Variants in ADGRD1 observed in about 807,000 individuals in gnomAD.
ADGRD1 encodes the protein adhesion G protein-coupled receptor D1, also known as G-protein coupled receptor 133.
In ADGRD1, 77 loss-of-function variants were observed where a neutral mutation model predicts 113.4. That is an observed-to-expected ratio of 0.68 (90% CI 0.57 to 0.82). The LOEUF (loss-of-function observed/expected upper bound fraction) is 0.82, where lower values mean the gene tolerates loss of function less well. ADGRD1 is among the 40% of genes least tolerant of loss of function. The pLI, the probability that ADGRD1 is intolerant of heterozygous loss-of-function variation, is 0.00. For synonymous variants in ADGRD1, 474 were observed against 475.0 expected (o/e 1.00, Z 0.03); for missense variants, 1,036 against 1,139.1 (o/e 0.91, Z 1.30).
intron 18 of ADGRD1, among the ~76,000 whole-genome samples, chr12:131,111,618 T>C (rs1253414988): frequency 2.0e-5 from 3 of 152,298 alleles, no homozygotes; most frequent in East Asian, 3.9e-4. Flanking sequence ...TTCATTGTTT[T>C]TTTTTTCTTT....
Position 131,000,747 on chromosome 12 carries a change from CAAAA to C in ADGRD1, c.1026+320_1026+323del, listed in dbSNP as rs371823726. Among the ~76,000 whole-genome samples the C allele has an allele frequency of 4.0e-4, 45 of 112,650 alleles. No homozygotes were observed. In the East Asian group the frequency reaches 8.8e-3, roughly 22 times the overall value. 73.9% of individuals were successfully genotyped at this position (112,650 alleles called of 152,430 possible). ...CAGAGTGAGACTCTGTCTCAAAAAA[CAAAA>C]AAAAAAAAAAAAAAGAGAGAGAGAG... is the stretch of plus-strand genomic sequence containing the variant. On this transcript the variant is annotated intron_variant, in intron 9 of 24. Transcript: ENST00000261654.
At position 131,062,174 on chromosome 12, in the gene ADGRD1, T is replaced by G. The variant is rs574147052; in HGVS notation, c.1474-14627T>G. On this transcript the variant is annotated intron_variant, in intron 13 of 24. Coordinates refer to ENST00000261654, the MANE Select transcript of ADGRD1 (RefSeq NM_198827.5). ...CCCAAGCCCGGCTCATTTTTGTATT[T>G]TTGGTAGAGACGGGGTTTCACTGTT... 3.9e-5 allele frequency among the ~76,000 whole-genome samples: 6 copies of G among 152,272 alleles called. No individual in the cohort carries two copies. In the South Asian group the frequency reaches 1.0e-3, roughly 26 times the overall value.
At chr12:131,039,185 A>AG (rs535902632) in intron 13 of ADGRD1, among the ~76,000 whole-genome samples, 1,699 of 111,288 alleles carry the variant, frequency 0.015, 35 homozygotes, top group African/African-American at 0.052. Context: ...GTGCTCCTCC[A>AG]GCCACTGCCC....
At chr12:131,138,337 GCAGT>G (rs1951154466) in intron 24 of ADGRD1, 108 bp downstream of exon 24, 2 of 855,872 alleles carry the variant, frequency 2.3e-6, no homozygotes, top group Non-Finnish European at 3.8e-6. Context: ...CGGGTGCCCA[GCAGT>G]CTTTGTCCCC....
At chr12:131,123,073 T>G (rs1363465467) in intron 20 of ADGRD1, among the ~76,000 whole-genome samples, 50 of 124,000 alleles carry the variant, frequency 4.0e-4, no homozygotes, top group Non-Finnish European at 7.1e-4. Flanking sequence ...TTTTTTTTTT[T>G]GCGACAGAGT....
intron 8 of ADGRD1, among the ~76,000 whole-genome samples, chr12:130,996,847 C>T (rs1202464433): frequency 5.0e-5 from 6 of 119,394 alleles, no homozygotes; most frequent in Non-Finnish European, 7.3e-5. Flanking sequence ...ACCCCCCCAC[C>T]TCCCTCCCGG....
At chr12:130,976,701 G>A (rs1872356647) in intron 4 of ADGRD1, 1 of 152,092 alleles carries the variant, frequency 6.6e-6, no homozygotes, top group Non-Finnish European at 1.5e-5. Flanking sequence ...TTCTCCCGGT[G>A]CTTTCAGTGT....
rs1875442273 is a variant in ADGRD1, at chr12:130,996,677, CCCAGACGGGGCGG to C, written c.967-3704_967-3692del. On this transcript the variant is annotated intron_variant, in intron 8 of 24. Transcript: ENST00000261654. ...GGGGGGCTGACCCCCCCACCTCCCT[CCCAGACGGGGCGG>C]CTGGCCGGGCGGGGGGCTGACCCCC... Among the ~76,000 whole-genome samples the C allele has an allele frequency of 5.9e-5, 6 of 102,260 alleles. 1 individual carries two copies. Among genetic ancestry groups the C allele is most frequent in the African/African-American group, 7.6e-5 (2 of 26,246 alleles). The allele number at this position is 102,260 out of a possible 152,430, so 67.1% of individuals were successfully genotyped here.
chr12:131,121,330 C>T (rs1030463521), intron 20 of ADGRD1, among the ~76,000 whole-genome samples: 3 of 152,206 alleles, frequency 2.0e-5, no homozygotes, highest in Admixed American at 6.5e-5. Context: ...ATAACAGTTA[C>T]AGTTACAGTG....
chr12:131,031,352 T>C (rs1880717236), intron 13 of ADGRD1, among the ~76,000 whole-genome samples: 1 of 152,166 alleles, frequency 6.6e-6, no homozygotes, highest in South Asian at 2.1e-4. Flanking sequence ...CTCTTGCAGG[T>C]CTGAGCCCAG....
rs1047805982 is a variant in ADGRD1, at chr12:130,967,045, G to A, written c.187+499G>A. ...ATCTTGAAACAGAAGCTGGCCTGAG[G>A]ATGCCTCTATGTGCAAGTCAGGCGT... On this transcript the variant is annotated intron_variant, in intron 3 of 24. Coordinates refer to ENST00000261654, the MANE Select transcript of ADGRD1 (RefSeq NM_198827.5). 4.2e-5 allele frequency: 19 copies of A among 455,676 alleles called. No homozygotes were observed. In the Admixed American group the frequency reaches 4.2e-4, roughly 10 times the overall value. The allele number at this position is 455,676 out of a possible 1,614,324, so 28.2% of individuals were successfully genotyped here. A position where few individuals can be genotyped will look rare whatever the true frequency, so the allele number is the denominator to read the frequency against.
intron 13 of ADGRD1, among the ~76,000 whole-genome samples, chr12:131,046,262 C>T (rs1234057565): frequency 2.3e-4 from 33 of 142,776 alleles, no homozygotes; most frequent in African/African-American, 8.5e-4. Context: ...TCCTCCTGGT[C>T]AGTGCTCCCT....
intron 2 of ADGRD1, chr12:130,957,861 C>T (rs1869847645): frequency 6.6e-6 from 1 of 152,330 alleles, no homozygotes; most frequent in Admixed American, 6.5e-5. Flanking sequence ...TCTCTCTCCT[C>T]AGCTTTCCAG....
intron 21 of ADGRD1, among the ~76,000 whole-genome samples, chr12:131,135,685 C>A (rs1030287378): frequency 1.3e-5 from 2 of 151,178 alleles, no homozygotes; most frequent in Admixed American, 6.6e-5. Context: ...CTGCTTCAGT[C>A]CCCCGAATCT....
At chr12:131,002,740 A>G in intron 9 of ADGRD1, 1 of 1,257,646 alleles carries the variant, frequency 8.0e-7, no homozygotes, top group South Asian at 1.3e-5. Context: ...GCACCTCGGA[A>G]GCAGCCACCC....
In ADGRD1 at chr12:131,097,951, G is replaced by A. The variant is rs888340823; in HGVS notation, c.1672-6880G>A. Among the ~76,000 whole-genome samples, 6 of 152,328 alleles carry A rather than the reference G, an allele frequency of 3.9e-5. No individual in the cohort carries two copies. In the East Asian group the frequency reaches 5.8e-4, roughly 15 times the overall value. On this transcript the variant is annotated intron_variant, in intron 15 of 24. Transcript: ENST00000261654. ...GAGAGATGGTGCTGCTGGGGTGGGC[G>A]AAGGGGCCAGCCTCCTGCCTGGGCT... is the stretch of plus-strand genomic sequence containing the variant.
At chr12:131,137,040 G>A (rs769651680) in intron 23 of ADGRD1, 26 bp downstream of exon 23, 3 of 1,588,622 alleles carry the variant, frequency 1.9e-6, no homozygotes, top group African/African-American at 2.7e-5. Context: ...TTGCTGGCAG[G>A]TGCAGGTGCA....
rs886215440 is a variant in ADGRD1 at position 130,971,356 on chromosome 12, A to G, written c.188-102A>G. On this transcript the variant is annotated intron_variant, in intron 3 of 24. Transcript: ENST00000261654. The surrounding 1 kb of genome is among the most constrained non-coding windows in gnomAD (Gnocchi z 4.2). ...TAAATATATACTTAGATAAATAATA[A>G]TGCATACTTACACATAAGTTATTTG... 2.2e-5 allele frequency: 15 copies of G among 674,264 alleles called. No homozygotes were observed. In the African/African-American group the frequency reaches 2.8e-4, roughly 12 times the overall value. 41.8% of individuals were successfully genotyped at this position (674,264 alleles called of 1,614,324 possible). A position where few individuals can be genotyped will look rare whatever the true frequency, so the allele number is the denominator to read the frequency against.
At chr12:130,996,627 T>C (rs1875423596) in intron 8 of ADGRD1, among the ~76,000 whole-genome samples, 1 of 100,626 alleles carries the variant, frequency 9.9e-6, no homozygotes, top group African/African-American at 3.9e-5. Context: ...GCCCCTCACC[T>C]CCCGGACGAG....
Sources: gnomAD v4.1 joint callset for allele counts (sites outside exome capture counted in the v4.1 genomes callset) on GRCh38, gnomAD v4.1.1 for gene constraint, Gnocchi (gnomAD v3.1) non-coding constraint, MANE v1.5 for transcripts, NCBI Gene and HGNC (gene_info 2026-07-23, HGNC 2026-07-21) for gene names.